SETBP1: variants seen among roughly 807,000 people sequenced by gnomAD.
SETBP1 encodes the protein SET-binding protein.
A neutral mutation model predicts 101.0 loss-of-function variants in SETBP1; 9 were observed. The observed-to-expected ratio is 0.09, with a 90% confidence interval of 0.05 to 0.16. SETBP1 has a LOEUF of 0.16. SETBP1 is among the 10% of genes least tolerant of loss of function. SETBP1 has a pLI of 1.00. For synonymous variants in SETBP1, 818 were observed against 788.5 expected (o/e 1.04, Z -0.63); for missense variants, 1,858 against 2,033.8 (o/e 0.91, Z 1.66).
intron 4 of SETBP1, among the ~76,000 whole-genome samples, chr18:45,036,834 G>A (rs1209587919): frequency 6.6e-6 from 1 of 152,152 alleles, no homozygotes; most frequent in African/African-American, 2.4e-5. Context: ...AGCAGACTGG[G>A]GTCATGATCA....
At chr18:44,698,089 A>G (rs2069050347) in intron 1 of SETBP1, among the ~76,000 whole-genome samples, 1 of 152,228 alleles carries the variant, frequency 6.6e-6, no homozygotes, top group Admixed American at 6.5e-5. Flanking sequence ...ATCAGTATGA[A>G]AAGTCTGGAA....
chr18:44,772,822 A>G (rs1264905772), intron 2 of SETBP1, among the ~76,000 whole-genome samples: 1 of 152,202 alleles, frequency 6.6e-6, no homozygotes, highest in Non-Finnish European at 1.5e-5. Context: ...AATTCCTGGA[A>G]TAATCCCTGG....
chr18:44,953,286 G>C lies in SETBP1; in HGVS notation c.3946G>C (p.Ala1316Pro). The C allele has an allele frequency of 6.2e-7, 1 of 1,614,064 alleles. No individual in the cohort carries two copies. The highest frequency in any genetic ancestry group is 8.5e-7 in the Non-Finnish European group (1 of 1,180,018). Residue 1316 changes from alanine (A) to proline (P), a missense_variant, in exon 4 of 6, where the codon GCC becomes CCC. This residue lies in a region of SETBP1 where 417 missense variants were observed against 389.1 expected (regional missense o/e 1.07). Coordinates refer to ENST00000649279, the MANE Select transcript of SETBP1 (RefSeq NM_015559.3). The stretch of plus-strand genomic sequence containing the variant: ...AACGTACAGGGAAAAGGACATCCAA[G>C]CCTTCAAGATGAACCGCAAGGAGAG... ...FGTYREKDIQAFKMNRKERSS... is the reference protein window; with the variant it reads ...FGTYREKDIQPFKMNRKERSS...
At chr18:44,994,132 T>C (rs896812959) in intron 4 of SETBP1, among the ~76,000 whole-genome samples, 19 of 152,076 alleles carry the variant, frequency 1.2e-4, no homozygotes, top group African/African-American at 4.3e-4. Context: ...AAAGAACTGC[T>C]AGAGTTTAAT....
At chr18:44,751,664 G>T (rs532015455) in intron 2 of SETBP1, among the ~76,000 whole-genome samples, 1 of 151,946 alleles carries the variant, frequency 6.6e-6, no homozygotes, top group Non-Finnish European at 1.5e-5. Flanking sequence ...ATGCTTTTTC[G>T]TATTTCTCAA....
chr18:44,799,616 C>G (rs1452944308), intron 2 of SETBP1, among the ~76,000 whole-genome samples: 1 of 152,116 alleles, frequency 6.6e-6, no homozygotes, highest in Non-Finnish European at 1.5e-5. Flanking sequence ...CATGATCACA[C>G]TAGGCTTGAA....
At chr18:44,946,363 C>T (rs10853528) in intron 3 of SETBP1, among the ~76,000 whole-genome samples, 102,486 of 152,100 alleles carry the variant, frequency 0.67, 35,112 homozygotes, top group East Asian at 0.98. Flanking sequence ...CTGCCCTGGG[C>T]GTAAGTGAGC....
At chr18:44,726,024 A>G (rs1214595340) in intron 2 of SETBP1, among the ~76,000 whole-genome samples, 1 of 152,174 alleles carries the variant, frequency 6.6e-6, no homozygotes, top group Non-Finnish European at 1.5e-5. Context: ...AATTAGAACC[A>G]AGAACTTTCA....
chr18:44,998,283 G>A (rs1036022987), intron 4 of SETBP1, among the ~76,000 whole-genome samples: 1 of 152,252 alleles, frequency 6.6e-6, no homozygotes, highest in Non-Finnish European at 1.5e-5. Context: ...AAACACCTGA[G>A]TGGGGTGGTA....
chr18:44,779,500 T>C (rs2071079553), intron 2 of SETBP1, among the ~76,000 whole-genome samples: 1 of 152,194 alleles, frequency 6.6e-6, no homozygotes, highest in Non-Finnish European at 1.5e-5. Flanking sequence ...GGGTGAGTCT[T>C]GCAGTTTCTT....
At chr18:44,737,400 A>G (rs558087185) in intron 2 of SETBP1, among the ~76,000 whole-genome samples, 1 of 152,290 alleles carries the variant, frequency 6.6e-6, no homozygotes, top group East Asian at 1.9e-4. Context: ...TCCCTGGTGT[A>G]TAGACTCATA....
chr18:44,723,254 A>G (rs139636013), intron 2 of SETBP1, among the ~76,000 whole-genome samples: 2 of 152,352 alleles, frequency 1.3e-5, no homozygotes, highest in East Asian at 1.9e-4. Flanking sequence ...CTCTGCCTAT[A>G]AAGAAAGTTG....
In SETBP1 at chr18:44,950,649, T is replaced by C. The variant is rs2145097034; in HGVS notation, c.1309T>C (p.Leu437=). The C allele has an allele frequency of 6.2e-7, 1 of 1,614,156 alleles. No homozygotes were observed. The highest frequency in any genetic ancestry group is 1.1e-5 in the South Asian group (1 of 91,078). Residue 437 remains leucine, a synonymous_variant, in exon 4 of 6, where the codon TTG becomes CTG. Coordinates refer to ENST00000649279, the MANE Select transcript of SETBP1 (RefSeq NM_015559.3). ...GGAAAAGATCATGCCAGAGAAAGCC[T>C]TGGCTTCTGGAATCACCATGAGCAG... is the stretch of plus-strand genomic sequence containing the variant. The part of the protein sequence containing the change: ...VVEKIMPEKA[L]ASGITMSSEV...
intron 3 of SETBP1, among the ~76,000 whole-genome samples, chr18:44,940,982 G>C (rs1285718081): frequency 6.6e-6 from 1 of 151,218 alleles, no homozygotes; most frequent in Non-Finnish European, 1.5e-5. Context: ...ATTTTCGCTG[G>C]ATATATAAAT....
At chr18:45,023,031 G>A (rs897112377) in intron 4 of SETBP1, among the ~76,000 whole-genome samples, 1 of 152,134 alleles carries the variant, frequency 6.6e-6, no homozygotes, top group Non-Finnish European at 1.5e-5. Flanking sequence ...CCAGTAGCTT[G>A]TAGAACTGTG....
chr18:44,795,645 C>T (rs953320802), intron 2 of SETBP1, among the ~76,000 whole-genome samples: 2 of 152,128 alleles, frequency 1.3e-5, no homozygotes, highest in Non-Finnish European at 2.9e-5. Flanking sequence ...GACAAGAATA[C>T]GTGTATTTTA....
At chr18:44,694,666 C>T (rs941049860) in intron 1 of SETBP1, among the ~76,000 whole-genome samples, 4 of 152,030 alleles carry the variant, frequency 2.6e-5, no homozygotes, top group African/African-American at 9.7e-5. Flanking sequence ...AGGAGTAGCT[C>T]GAAGAGGAGG....
At chr18:44,954,008 G>A (rs1241588223) in intron 4 of SETBP1, among the ~76,000 whole-genome samples, 1 of 152,204 alleles carries the variant, frequency 6.6e-6, no homozygotes, top group African/African-American at 2.4e-5. Context: ...AGGCTGGAAG[G>A]TGATATGTGC....
rs146955861 is a variant in SETBP1, at chr18:44,689,591, G to A, written c.-173+8570G>A. 3.3e-5 allele frequency among the ~76,000 whole-genome samples: 5 copies of A among 152,330 alleles called. No individual in the cohort carries two copies. The East Asian group carries it at 5.8e-4, about 18-fold the overall frequency. On this transcript the variant is annotated intron_variant, in intron 1 of 5. Transcript: ENST00000649279. Reference sequence around the variant, plus strand: ...CTAAGAGCCCATGAAAACCAGGGGAGGAGTAGCAGCAGCCAGCCATTTAGG... The same window carrying A: ...CTAAGAGCCCATGAAAACCAGGGGAAGAGTAGCAGCAGCCAGCCATTTAGG...
Sources: gnomAD v4.1 joint callset for allele counts (sites outside exome capture counted in the v4.1 genomes callset) on GRCh38, gnomAD v4.1.1 for gene constraint, gnomAD v4.1.1 regional missense constraint, MANE v1.5 for transcripts, NCBI Gene and HGNC (gene_info 2026-07-23, HGNC 2026-07-21) for gene names.